Variants in SORL1 observed in about 807,000 individuals in gnomAD.
SORL1 encodes the protein sortilin-related receptor.
Under a neutral mutation model 273.7 loss-of-function variants are expected in SORL1, and 127 were observed. That is an observed-to-expected ratio of 0.46 (90% confidence interval 0.40 to 0.54). The LOEUF (loss-of-function observed/expected upper bound fraction) is 0.54, where lower values mean the gene tolerates loss of function less well. Ranked by LOEUF, SORL1 falls within the 20% of genes least tolerant of loss-of-function variation. The probability of loss-of-function intolerance (pLI) is 0.00; values close to 1 mark genes in which losing one functional copy is unlikely to be tolerated. For synonymous variants in SORL1, 1,031 were observed against 1,067.4 expected (o/e 0.97, Z 0.66); for missense variants, 2,494 against 2,846.1 (o/e 0.88, Z 2.81).
rs1863852701 is a variant in SORL1, at chr11:121,630,061, CTG to C, written c.*502_*503del. The C allele has an allele frequency of 6.2e-6, 1 of 161,340 alleles. No individual in the cohort carries two copies. Among genetic ancestry groups the C allele is most frequent in the African/African-American group, 2.4e-5 (1 of 41,464 alleles). The allele number at this position is 161,340 out of a possible 1,614,324, so 10.0% of individuals were successfully genotyped here. A position where few individuals can be genotyped will look rare whatever the true frequency, so the allele number is the denominator to read the frequency against. ...GTTATTTTGTTAATTTATTGGGACT[CTG>C]TGTAAGGCCAGGCTTTAGTGGTCAT... is the stretch of plus-strand genomic sequence containing the variant. On this transcript the variant is annotated 3_prime_UTR_variant, in exon 48 of 48. Transcript: ENST00000260197.
chr11:121,569,809 A>G (rs542575459), intron 22 of SORL1, among the ~76,000 whole-genome samples: 153 of 152,128 alleles, frequency 1.0e-3, no homozygotes, highest in Non-Finnish European at 1.7e-3. Flanking sequence ...TGTGACCCAC[A>G]CCTTATTCGT....
chr11:121,574,329 T>C lies in SORL1; in HGVS notation c.3426T>C (p.Asp1142=), dbSNP rs1180939865. The change falls in exon 24 of 48, where the codon GAT becomes GAC. Residue 1142 remains aspartate (D), a synonymous_variant. Coordinates refer to ENST00000260197, the MANE Select transcript of SORL1 (RefSeq NM_003105.6). ...IPLSYKCDLE[D]DCGDNSDESH... is the part of the protein sequence containing the mutation. The stretch of plus-strand genomic sequence containing the variant: ...TGTCCTATAAATGTGACCTTGAGGA[T>C]GACTGTGGAGACAACAGTGATGAAA... 1 of 1,613,706 alleles carries C rather than the reference T, an allele frequency of 6.2e-7. No homozygotes were observed. The highest frequency in any genetic ancestry group is 1.1e-5 in the South Asian group (1 of 91,074).
At position 121,514,203 on chromosome 11, in the gene SORL1, C is replaced by T; in HGVS notation, c.1093C>T (p.His365Tyr). 1 of 1,614,164 alleles carries T rather than the reference C, an allele frequency of 6.2e-7. No individual in the cohort carries two copies. Among genetic ancestry groups the T allele is most frequent in the Non-Finnish European group, 8.5e-7 (1 of 1,180,026 alleles). ...SEDQVFVCVS[H>Y]SNNRTNLYIS... The stretch of plus-strand genomic sequence containing the variant: ...GGACCAGGTGTTTGTGTGTGTCAGC[C>T]ACAGTAACAACCGCACCAATTTATA... The change falls in exon 8 of 48, where the codon CAC becomes TAC. Residue 365 changes from histidine (H) to tyrosine (Y), a missense_variant. By Grantham distance (83) the His-to-Tyr change is moderately conservative. Coordinates refer to ENST00000260197, the MANE Select transcript of SORL1 (RefSeq NM_003105.6).
chr11:121,511,160 G>C lies in SORL1; in HGVS notation c.940-1843G>C, dbSNP rs144465276. The stretch of plus-strand genomic sequence containing the variant: ...TTAGGAATAATTCTCCAAGAAGGTA[G>C]TGGGATCGATGCATTTTGAGATTTT... On this transcript the variant is annotated intron_variant, in intron 6 of 47. Transcript: ENST00000260197. Among the ~76,000 whole-genome samples, 13 of 152,214 alleles carry C rather than the reference G, an allele frequency of 8.5e-5. No homozygotes were observed. In the East Asian group the frequency reaches 2.5e-3, roughly 29 times the overall value.
At chr11:121,558,870 T>G in intron 20 of SORL1, 33 bp downstream of exon 20, 1 of 1,612,350 alleles carries the variant, frequency 6.2e-7, no homozygotes, top group Non-Finnish European at 8.5e-7. Context: ...GACAGTCTGC[T>G]AGAGCGGGTG....
intron 26 of SORL1, among the ~76,000 whole-genome samples, chr11:121,585,368 A>G (rs1448864310): frequency 6.6e-6 from 1 of 152,150 alleles, no homozygotes; most frequent in African/African-American, 2.4e-5. Context: ...CTGTGGTCCC[A>G]GCTACTCAGG....
At position 121,631,730 on chromosome 11, in the gene SORL1, G is replaced by A. The variant is rs1191106070; in HGVS notation, c.*2167G>A. ...CTCCCAATGCTTAGTGCACAGTACT[G>A]TAGACTGGCCATCACCCCTCTCCTT... is the stretch of plus-strand genomic sequence containing the variant. On this transcript the variant is annotated 3_prime_UTR_variant, in exon 48 of 48. Transcript: ENST00000260197. 2 of 152,166 alleles carry A rather than the reference G, an allele frequency of 1.3e-5. No homozygotes were observed. The highest frequency in any genetic ancestry group is 4.8e-5 in the African/African-American group (2 of 41,442). 9.4% of individuals were successfully genotyped at this position (152,166 alleles called of 1,614,324 possible).
chr11:121,543,765 G>T (rs1441258669), intron 13 of SORL1, 39 bp downstream of exon 13: 3 of 1,577,198 alleles, frequency 1.9e-6, no homozygotes, highest in Non-Finnish European at 2.6e-6. Context: ...ACATGGATAT[G>T]CGTGGACTTC....
chr11:121,476,461 G>A (rs1204717054), intron 2 of SORL1, among the ~76,000 whole-genome samples: 1 of 152,154 alleles, frequency 6.6e-6, no homozygotes, highest in Non-Finnish European at 1.5e-5. Context: ...ACGTGCATGT[G>A]CTCTCTGTTC....
chr11:121,614,844 T>C (rs765234016), intron 40 of SORL1, 27 bp from the exon 41 acceptor site: 1 of 1,603,730 alleles, frequency 6.2e-7, no homozygotes, highest in Non-Finnish European at 8.5e-7. Context: ...AACTTCCTCC[T>C]GGAATCTCCT....
At chr11:121,566,296 A>G (rs1380061838) in intron 21 of SORL1, among the ~76,000 whole-genome samples, 2 of 152,034 alleles carry the variant, frequency 1.3e-5, no homozygotes, top group African/African-American at 4.8e-5. Flanking sequence ...TTTGAAGGCA[A>G]TGTTCAACTA....
At chr11:121,568,058 A>T (rs186961740) in intron 22 of SORL1, among the ~76,000 whole-genome samples, 6 of 151,716 alleles carry the variant, frequency 4.0e-5, no homozygotes, top group Admixed American at 6.6e-5. Flanking sequence ...GAGCCCAGCT[A>T]ATTTCTTTTA....
At position 121,452,656 on chromosome 11, in the gene SORL1, T is replaced by G; in HGVS notation, c.285+40T>G. 2 of 1,409,578 alleles carry G rather than the reference T, an allele frequency of 1.4e-6. No homozygotes were observed. The highest frequency in any genetic ancestry group is 1.8e-6 in the Non-Finnish European group (2 of 1,082,838). 87.3% of individuals were successfully genotyped at this position (1,409,578 alleles called of 1,614,324 possible). On this transcript the variant is annotated intron_variant, in intron 1 of 47. Coordinates refer to ENST00000260197, the MANE Select transcript of SORL1 (RefSeq NM_003105.6). The surrounding 1 kb of genome is among the most constrained non-coding windows in gnomAD (Gnocchi z 5.3). ...AACCCGCCTCCCTCCAGTTTTTTCC[T>G]CTCCCTGCACTTCCTCACCCCCGCA...
intron 31 of SORL1, among the ~76,000 whole-genome samples, chr11:121,592,155 T>C (rs1863225527): frequency 6.6e-6 from 1 of 152,238 alleles, no homozygotes; most frequent in Non-Finnish European, 1.5e-5. Context: ...CCTGTGCACC[T>C]GCAGCAAGGT....
At chr11:121,610,036 A>G (rs1483096621) in intron 38 of SORL1, 4 of 152,074 alleles carry the variant, frequency 2.6e-5, no homozygotes, top group African/African-American at 9.7e-5. Context: ...TCTTCCGGTT[A>G]TTGCATTTTC....
In SORL1 at chr11:121,554,245, A is replaced by C. The variant is rs537305504; in HGVS notation, c.2439+136A>C. Reference sequence around the variant, plus strand: ...TTACTCATCTCAGGGCTGACAGGTGAAAGTTTCCAGTCTTCTGTGTTAGTA... The same window carrying C: ...TTACTCATCTCAGGGCTGACAGGTGCAAGTTTCCAGTCTTCTGTGTTAGTA... On this transcript the variant is annotated intron_variant, in intron 17 of 47. Transcript: ENST00000260197. The surrounding 1 kb of genome is among the most constrained non-coding windows in gnomAD (Gnocchi z 4.6). 76 of 716,176 alleles carry C rather than the reference A, an allele frequency of 1.1e-4. No homozygotes were observed. Among genetic ancestry groups the C allele is most frequent in the East Asian group, 5.0e-4 (18 of 36,216 alleles). 44.4% of individuals were successfully genotyped at this position (716,176 alleles called of 1,614,324 possible).
intron 2 of SORL1, among the ~76,000 whole-genome samples, chr11:121,474,226 G>C (rs939633111): frequency 1.3e-5 from 2 of 152,162 alleles, no homozygotes; most frequent in Non-Finnish European, 2.9e-5. Context: ...CTGTGGATCA[G>C]CCCTTGGGGA....
At chr11:121,512,228 A>C (rs1412980560) in intron 6 of SORL1, among the ~76,000 whole-genome samples, 1 of 152,256 alleles carries the variant, frequency 6.6e-6, no homozygotes, top group Non-Finnish European at 1.5e-5. Flanking sequence ...ACCCATCTAC[A>C]GGGAAGTCTT....
chr11:121,571,803 C>A (rs1270959713), intron 23 of SORL1, among the ~76,000 whole-genome samples: 1 of 152,166 alleles, frequency 6.6e-6, no homozygotes, highest in Admixed American at 6.5e-5. Context: ...TCAGAGGGTG[C>A]CTTTCACACC....
Sources: allele counts gnomAD v4.1 joint callset (sites outside exome capture counted in the v4.1 genomes callset), GRCh38; gene constraint gnomAD v4.1.1; non-coding constraint Gnocchi (gnomAD v3.1); transcripts MANE v1.5; gene names NCBI Gene and HGNC (gene_info 2026-07-23, HGNC 2026-07-21).